The following RTN4 variants were observed in gnomAD, a reference collection of about 807,000 sequenced individuals.
The protein encoded by RTN4 is reticulon-4.
RTN4 carries 32 observed loss-of-function variants against 90.4 expected under a neutral mutation model. The ratio of observed to expected loss-of-function variants is 0.35; its 90% CI spans 0.27 to 0.48. The LOEUF is 0.48. Ranked by LOEUF, RTN4 falls within the 20% of genes least tolerant of loss-of-function variation. The probability of loss-of-function intolerance (pLI) is 0.99; values close to 1 mark genes in which losing one functional copy is unlikely to be tolerated. For synonymous variants in RTN4, 629 were observed against 552.5 expected (o/e 1.14, Z -1.94); for missense variants, 1,706 against 1,430.2 (o/e 1.19, Z -3.11).
In RTN4 at chr2:55,057,481, A is replaced by C. The variant is rs532287519; in HGVS notation, c.-63+23008T>G. 9.2e-5 allele frequency among the ~76,000 whole-genome samples: 14 copies of C among 152,352 alleles called. No individual in the cohort carries two copies. The East Asian group carries it at 2.7e-3, about 29-fold the overall frequency. The stretch of plus-strand genomic sequence containing the variant: ...CACAGAGTCAGGCACTTGGGTACTC[A>C]ATCAATAGTAATTATTATTATTATT... On this transcript the variant is annotated intron_variant, in intron 2 of 3. Coordinates refer to the RTN4 transcript ENST00000427710.
intron 3 of RTN4, among the ~76,000 whole-genome samples, chr2:55,001,110 G>A (rs1442220013): frequency 6.6e-6 from 1 of 151,898 alleles, no homozygotes; most frequent in Non-Finnish European, 1.5e-5. Flanking sequence ...AGCATATAAA[G>A]CAACGAAAAT....
At chr2:55,083,403 C>G (rs939289930) in intron 1 of RTN4, among the ~76,000 whole-genome samples, 1 of 151,938 alleles carries the variant, frequency 6.6e-6, no homozygotes, top group Non-Finnish European at 1.5e-5. Context: ...AGCTGAGGCA[C>G]GAGGATTGCT....
chr2:55,025,628 T>C lies in RTN4; in HGVS notation c.2471A>G (p.Lys824Arg), dbSNP rs201310203. The stretch of plus-strand genomic sequence containing the variant: ...CATCTGCAAAGGAATTTTCTCCTTT[T>C]TGCTCAATGTTGAAACTTCATCAGG... ...LLPDEVSTLS[K>R]KEKIPLQMEE... The change falls in exon 3 of 9, where the codon AAA becomes AGA. Residue 824 changes from lysine to arginine, a missense_variant. By Grantham distance (26) the Lys-to-Arg change is conservative. Transcript: ENST00000337526. 6.2e-6 allele frequency: 10 copies of C among 1,613,666 alleles called. No individual in the cohort carries two copies. The highest frequency in any genetic ancestry group is 6.8e-6 in the Non-Finnish European group (8 of 1,179,802).
At chr2:55,117,636 C>G in the RTN4 span, among the ~76,000 whole-genome samples, 1 of 152,174 alleles carries the variant, frequency 6.6e-6, no homozygotes, top group Non-Finnish European at 1.5e-5. Flanking sequence ...GTGTTAAAAG[C>G]TTCATGAAAT....
rs748866329 is a variant in RTN4, at chr2:55,027,148, T to C, written c.951A>G (p.Ala317=). 1 of 1,613,650 alleles carries C rather than the reference T, an allele frequency of 6.2e-7. No homozygotes were observed. Among genetic ancestry groups the C allele is most frequent in the Non-Finnish European group, 8.5e-7 (1 of 1,179,810 alleles). Residue 317 remains alanine, a synonymous_variant, in exon 3 of 9, where the codon GCA becomes GCG. Transcript: ENST00000337526. ...TCACGATTATTTCTTCCCTAGGATT[T>C]GCTACTATTACGGCAGATTCTGCTT... ...SPKAESAVIV[A]NPREEIIVKN...
chr2:55,042,731 A>G (rs1683159999), intron 1 of RTN4, among the ~76,000 whole-genome samples: 1 of 152,218 alleles, frequency 6.6e-6, no homozygotes, highest in Non-Finnish European at 1.5e-5. Context: ...ACTATACAGA[A>G]TATGAAGATC....
chr2:54,989,286 G>C (rs998621902), intron 3 of RTN4, among the ~76,000 whole-genome samples: 1 of 152,164 alleles, frequency 6.6e-6, no homozygotes, highest in Non-Finnish European at 1.5e-5. Flanking sequence ...GGTCTGGCTT[G>C]AATGCTATTA....
At chr2:55,098,992 G>C (rs1437656904) in intron 1 of RTN4, among the ~76,000 whole-genome samples, 1 of 152,100 alleles carries the variant, frequency 6.6e-6, no homozygotes, top group East Asian at 1.9e-4. Context: ...TCCATCAGGA[G>C]GTCCGTACTG....
At position 55,049,791 on chromosome 2, in the gene RTN4, G is replaced by T. The variant is rs745811213; in HGVS notation, c.510C>A (p.Pro170=). The T allele has an allele frequency of 6.1e-5, 80 of 1,310,110 alleles. No homozygotes were observed. Among genetic ancestry groups the T allele is most frequent in the Admixed American group, 1.6e-4 (4 of 24,244 alleles). The allele number at this position is 1,310,110 out of a possible 1,614,324, so 81.2% of individuals were successfully genotyped here. ...TPPAPAPAAP[P]STPAAPKRRG... is the part of the protein sequence containing the mutation. ...TGCGCTTGGGCGCGGCCGGGGTGGAGGGGGGCGCGGCGGGAGCCGGGGCTG... is the reference window on the plus strand; with the variant it reads ...TGCGCTTGGGCGCGGCCGGGGTGGATGGGGGCGCGGCGGGAGCCGGGGCTG... The change falls in exon 1 of 9, where the codon CCC becomes CCA. Residue 170 remains proline, a synonymous_variant. Coordinates refer to ENST00000337526, the MANE Select transcript of RTN4 (RefSeq NM_020532.5).
chr2:55,013,486 C>A (rs1291217316), intron 3 of RTN4, among the ~76,000 whole-genome samples: 2 of 151,910 alleles, frequency 1.3e-5, no homozygotes, highest in Admixed American at 6.6e-5. Flanking sequence ...TCAGACCAAA[C>A]CCTCGTTTCC....
chr2:55,099,566 C>CATCA (rs1667815104), intron 1 of RTN4, among the ~76,000 whole-genome samples: 1 of 152,026 alleles, frequency 6.6e-6, no homozygotes, highest in Non-Finnish European at 1.5e-5. Flanking sequence ...TATTTCAGGA[C>CATCA]ATCAATCAGG....
intron 3 of RTN4, among the ~76,000 whole-genome samples, chr2:55,024,430 C>T (rs149567006): frequency 4.3e-4 from 66 of 152,158 alleles, no homozygotes; most frequent in Admixed American, 7.2e-4. Flanking sequence ...TTAGAGAAAA[C>T]GCAGCTAAAT....
intron 2 of RTN4, among the ~76,000 whole-genome samples, chr2:55,072,582 G>A (rs989578954): frequency 6.6e-6 from 1 of 152,136 alleles, no homozygotes; most frequent in Middle Eastern, 3.2e-3. Context: ...TCTGGATCGA[G>A]GGGCATACAC....
the RTN4 span, among the ~76,000 whole-genome samples, chr2:55,122,143 T>C: frequency 6.6e-6 from 1 of 151,916 alleles, no homozygotes; most frequent in Non-Finnish European, 1.5e-5. Context: ...CCCCTCTAGA[T>C]AATTTTTGTA....
intron 2 of RTN4, among the ~76,000 whole-genome samples, chr2:55,074,601 C>G (rs1668570578): frequency 6.7e-6 from 1 of 149,856 alleles, no homozygotes; most frequent in South Asian, 2.1e-4. Flanking sequence ...ACCCTAATAT[C>G]AAAATGAAGA....
Position 54,987,375 on chromosome 2 carries a change from C to T in RTN4, c.3221+116G>A, listed in dbSNP as rs1318451877. On this transcript the variant is annotated intron_variant, in intron 4 of 8. Transcript: ENST00000337526. ...TTGGTATAGCTCAAGCAAATAACTG[C>T]AATTATCTTTAACAAAAAAATGCAT... The T allele has an allele frequency of 7.3e-6, 6 of 818,232 alleles. No individual in the cohort carries two copies. In the African/African-American group the frequency reaches 8.4e-5, roughly 11 times the overall value. The allele number at this position is 818,232 out of a possible 1,614,324, so 50.7% of individuals were successfully genotyped here. A position where few individuals can be genotyped will look rare whatever the true frequency, so the allele number is the denominator to read the frequency against.
rs551075401 is a variant in RTN4 at position 55,015,913 on chromosome 2, A to G, written c.3013+9173T>C. Among the ~76,000 whole-genome samples, 4 of 152,334 alleles carry G rather than the reference A, an allele frequency of 2.6e-5. No homozygotes were observed. The South Asian group carries it at 8.3e-4, about 32-fold the overall frequency. On this transcript the variant is annotated intron_variant, in intron 3 of 8. Transcript: ENST00000337526. ...TGTTTTCTTCTTCTGATAAAAGGGT[A>G]AAAATTAGTACAACTTTTCTGGTGG... is the stretch of plus-strand genomic sequence containing the variant.
Position 55,025,473 on chromosome 2 carries a change from T to C in RTN4, c.2626A>G (p.Ser876Gly). 1.2e-6 allele frequency: 2 copies of C among 1,613,804 alleles called. No homozygotes were observed. Among genetic ancestry groups the C allele is most frequent in the Non-Finnish European group, 1.7e-6 (2 of 1,179,832 alleles). ...TTAGAAAATGAATCAGTTTTAGAAC[T>C]GATCAATGTAGGGAACTCATCTATA... Reference protein sequence around the residue: ...EIIDEFPTLISSKTDSFSKLA... With the variant: ...EIIDEFPTLIGSKTDSFSKLA... The change falls in exon 3 of 9, where the codon AGT becomes GGT. Residue 876 changes from serine to glycine, a missense_variant. Transcript: ENST00000337526.
In RTN4 at chr2:55,097,622, C is replaced by A. The variant is rs1207544427; in HGVS notation, c.-214+14898G>T. ...AAGAGGCAGACTGTCAGAGGTAGAG[C>A]TGCAGACGCCACCCAGGCCTCTAAG... On this transcript the variant is annotated intron_variant, in intron 1 of 3. Transcript: ENST00000427710. Among the ~76,000 whole-genome samples the A allele has an allele frequency of 3.3e-5, 5 of 152,220 alleles. No homozygotes were observed. The East Asian group carries it at 9.6e-4, about 29-fold the overall frequency.
Sources: allele counts gnomAD v4.1 joint callset (sites outside exome capture counted in the v4.1 genomes callset), GRCh38; gene constraint gnomAD v4.1.1; transcripts MANE v1.5; gene names NCBI Gene and HGNC (gene_info 2026-07-23, HGNC 2026-07-21).